CRB1: variants seen among roughly 807,000 people sequenced by gnomAD.
CRB1 encodes crumbs cell polarity complex component 1.
CRB1 carries 83 observed loss-of-function variants against 120.0 expected under a neutral mutation model. The ratio of observed to expected loss-of-function variants is 0.69; its 90% CI spans 0.58 to 0.83. The LOEUF (loss-of-function observed/expected upper bound fraction) is 0.83. Among genes scored for constraint, CRB1 ranks in the 40% least tolerant of loss-of-function variants. The probability of loss-of-function intolerance (pLI) is 0.00; values close to 1 mark genes in which losing one functional copy is unlikely to be tolerated. For missense variants in CRB1, 1,699 were observed against 1,687.6 expected (o/e 1.01, Z -0.12); for synonymous variants, 625 against 612.5 (o/e 1.02, Z -0.30).
At chr1:197,467,860 C>T (rs912628888) in intron 11 of CRB1, among the ~76,000 whole-genome samples, 6 of 152,156 alleles carry the variant, frequency 3.9e-5, no homozygotes, top group Non-Finnish European at 8.8e-5. Context: ...AGGAAAGGAC[C>T]AGTAGTGAGT....
At chr1:197,365,596 C>T (rs1661021504) in intron 5 of CRB1, among the ~76,000 whole-genome samples, 1 of 142,314 alleles carries the variant, frequency 7.0e-6, no homozygotes, top group African/African-American at 2.9e-5. Flanking sequence ...TCTCCTTCTC[C>T]TCCTTCTCCT....
intron 1 of CRB1, among the ~76,000 whole-genome samples, chr1:197,301,374 C>T (rs965382010): frequency 6.6e-6 from 1 of 152,026 alleles, no homozygotes; most frequent in African/African-American, 2.4e-5. Flanking sequence ...CCATGTTGGC[C>T]AGGATGGTCT....
In CRB1 at chr1:197,419,853, T is replaced by C. The variant is rs1172810832; in HGVS notation, c.1172-1147T>C. Among the ~76,000 whole-genome samples the C allele has an allele frequency of 3.3e-5, 5 of 150,856 alleles. No homozygotes were observed. In the East Asian group the frequency reaches 9.8e-4, roughly 30 times the overall value. ...AACCAGGCGTGGTGGCGGGCGCCTG[T>C]AGTCCAAGCTACTCGGGAGGCTGAG... On this transcript the variant is annotated intron_variant, in intron 5 of 11. Coordinates refer to ENST00000367400, the MANE Select transcript of CRB1 (RefSeq NM_201253.3).
At chr1:197,214,338 T>G in the CRB1 span, among the ~76,000 whole-genome samples, 2 of 152,150 alleles carry the variant, frequency 1.3e-5, no homozygotes, top group Non-Finnish European at 2.9e-5. Context: ...CTGCCCTCCA[T>G]ATGCATGAGT....
the CRB1 span, among the ~76,000 whole-genome samples, chr1:197,262,896 A>T: frequency 6.6e-6 from 1 of 152,186 alleles, no homozygotes; most frequent in Non-Finnish European, 1.5e-5. Flanking sequence ...TCCATCTTGT[A>T]TAAGTATCAC....
At chr1:197,295,371 A>T (rs1656459665) in intron 1 of CRB1, among the ~76,000 whole-genome samples, 1 of 152,030 alleles carries the variant, frequency 6.6e-6, no homozygotes, top group Non-Finnish European at 1.5e-5. Flanking sequence ...GGCAAGAGCA[A>T]GGGTCAGAAG....
the CRB1 span, among the ~76,000 whole-genome samples, chr1:197,233,660 G>A: frequency 6.6e-6 from 1 of 152,300 alleles, no homozygotes; most frequent in Admixed American, 6.5e-5. Flanking sequence ...CAAGAGCCAC[G>A]TAGGTGGGAG....
chr1:197,316,111 C>G (rs1251507858), intron 1 of CRB1, among the ~76,000 whole-genome samples: 1 of 152,150 alleles, frequency 6.6e-6, no homozygotes, highest in Non-Finnish European at 1.5e-5. Context: ...AACATCATTG[C>G]CATCATCATT....
chr1:197,279,787 C>G (rs1655419937), intron 1 of CRB1, among the ~76,000 whole-genome samples: 1 of 151,184 alleles, frequency 6.6e-6, no homozygotes, highest in African/African-American at 2.4e-5. Flanking sequence ...ACCCCCTACC[C>G]TTTTATTCTC....
At chr1:197,429,270 G>T (rs940614699) in intron 7 of CRB1, among the ~76,000 whole-genome samples, 179 bp from the exon 8 acceptor site, 1 of 152,098 alleles carries the variant, frequency 6.6e-6, no homozygotes. Context: ...TTTTAGAAAG[G>T]AGTTGGTAAT....
chr1:197,261,884 A>G, the CRB1 span, among the ~76,000 whole-genome samples: 1 of 152,186 alleles, frequency 6.6e-6, no homozygotes, highest in Admixed American at 6.5e-5. Context: ...GGGTTAATTT[A>G]ATCTACTTTG....
intron 1 of CRB1, among the ~76,000 whole-genome samples, chr1:197,316,467 G>T (rs1432659860): frequency 6.6e-6 from 1 of 152,184 alleles, no homozygotes. Flanking sequence ...ACAGGCGTGA[G>T]CCACCGCGCC....
intron 5 of CRB1, among the ~76,000 whole-genome samples, chr1:197,377,665 G>A (rs1661719701): frequency 6.6e-6 from 1 of 152,058 alleles, no homozygotes; most frequent in Non-Finnish European, 1.5e-5. Context: ...ATTTTCAAGA[G>A]TATCTAACAC....
chr1:197,301,350 G>T (rs1354005889), intron 1 of CRB1, among the ~76,000 whole-genome samples: 1 of 152,002 alleles, frequency 6.6e-6, no homozygotes, highest in Non-Finnish European at 1.5e-5. Flanking sequence ...ATTTTTAGTA[G>T]AGACGGGGTT....
chr1:197,450,904 G>C (rs11809220), intron 11 of CRB1, among the ~76,000 whole-genome samples: 16 of 138,408 alleles, frequency 1.2e-4, no homozygotes, highest in Non-Finnish European at 4.6e-5. Context: ...AGCTTGCGGT[G>C]AGCTGAGATC....
At chr1:197,311,070 G>T (rs975785210) in intron 1 of CRB1, among the ~76,000 whole-genome samples, 22 of 152,126 alleles carry the variant, frequency 1.4e-4, no homozygotes, top group African/African-American at 5.1e-4. Context: ...GTTTTATACT[G>T]ACACAATTTC....
At chr1:197,222,951 C>G in the CRB1 span, 1 of 888,012 alleles carries the variant, frequency 1.1e-6, no homozygotes, top group Admixed American at 1.7e-5. Context: ...CAAGAGTTTG[C>G]AGATAACATG....
chr1:197,462,508 C>G (rs183466215), intron 11 of CRB1, among the ~76,000 whole-genome samples: 86 of 152,260 alleles, frequency 5.6e-4, no homozygotes, highest in African/African-American at 2.0e-3. Context: ...TGTGAAAGGA[C>G]TCCCTCAGTT....
At chr1:197,218,223 A>T in the CRB1 span, among the ~76,000 whole-genome samples, 72 of 152,344 alleles carry the variant, frequency 4.7e-4, no homozygotes, top group Admixed American at 1.4e-3. Context: ...TCAGTTTATC[A>T]TGAAACAGAA....
Sources: gnomAD v4.1 joint callset for allele counts (sites outside exome capture counted in the v4.1 genomes callset) on GRCh38, gnomAD v4.1.1 for gene constraint, MANE v1.5 for transcripts, NCBI Gene and HGNC (gene_info 2026-07-23, HGNC 2026-07-21) for gene names.